PCDH11X: variants seen among roughly 807,000 people sequenced by gnomAD.
PCDH11X encodes protocadherin-11 X-linked.
In PCDH11X, 18 loss-of-function variants were observed where a neutral mutation model predicts 53.3. The observed-to-expected ratio is 0.34, with a 90% CI of 0.23 to 0.50. PCDH11X has a LOEUF of 0.50. Among genes scored for constraint, PCDH11X ranks in the 20% least tolerant of loss-of-function variants. The probability of loss-of-function intolerance (pLI) is 0.98; values close to 1 mark genes in which losing one functional copy is unlikely to be tolerated. For synonymous variants in PCDH11X, 279 were observed against 393.3 expected (o/e 0.71, Z 3.44); for missense variants, 570 against 1,032.4 (o/e 0.55, Z 6.14).
chrX:92,153,121 A>AT (rs2065469491), intron 6 of PCDH11X, among the ~76,000 whole-genome samples: 1 of 110,084 alleles, frequency 9.1e-6, no homozygotes, highest in African/African-American at 3.3e-5. Flanking sequence ...ACTTAGTTAA[A>AT]TTGTTTTGAA....
intron 6 of PCDH11X, among the ~76,000 whole-genome samples, chrX:92,056,243 G>GTA (rs1301524472): frequency 1.8e-5 from 2 of 111,419 alleles, no homozygotes; most frequent in Admixed American, 1.9e-4. Context: ...GTGTGAGATG[G>GTA]TATTTCATTG....
intron 10 of PCDH11X, among the ~76,000 whole-genome samples, chrX:92,479,575 T>C (rs577129642): frequency 1.8e-5 from 2 of 109,220 alleles, no homozygotes; most frequent in South Asian, 8.2e-4. Flanking sequence ...TCCCTCAGCA[T>C]TTGCTTGTTT....
chrX:92,484,108 GTATATATATAGTATATATA>G (rs2073565998), intron 10 of PCDH11X, among the ~76,000 whole-genome samples: 1 of 96,763 alleles, frequency 1.0e-5, no homozygotes, highest in African/African-American at 3.8e-5. Context: ...GTGTGTGTGT[GTATATATATAGTATATATA>G]TGTATATATG....
intron 6 of PCDH11X, among the ~76,000 whole-genome samples, chrX:92,067,872 C>T (rs2063639226): frequency 9.0e-6 from 1 of 111,139 alleles, no homozygotes; most frequent in Non-Finnish European, 1.9e-5. Flanking sequence ...TTTGGGATTT[C>T]TTCATGATTC....
chrX:92,487,582 C>T (rs2073672086), intron 10 of PCDH11X, among the ~76,000 whole-genome samples: 1 of 110,495 alleles, frequency 9.1e-6, no homozygotes, highest in Non-Finnish European at 1.9e-5. Context: ...TTAAATCTTC[C>T]ATTAGAAATT....
At chrX:92,382,127 T>C (rs1203181318) in intron 8 of PCDH11X, among the ~76,000 whole-genome samples, 4 of 112,213 alleles carry the variant, frequency 3.6e-5, no homozygotes, top group Middle Eastern at 9.3e-3. Flanking sequence ...ATGAGGTTGT[T>C]TACTATTATA....
In PCDH11X at chrX:92,504,246, G is replaced by C. The variant is rs190495778; in HGVS notation, c.3367+35924G>C. Among the ~76,000 whole-genome samples, 332 of 106,345 alleles carry C rather than the reference G, an allele frequency of 3.1e-3. 2 individuals carry two copies. The highest frequency in any genetic ancestry group is 0.011 in the African/African-American group (318 of 29,391). 92.3% of individuals were successfully genotyped at this position (106,345 alleles called of 115,157 possible). On this transcript the variant is annotated intron_variant, in intron 10 of 10. Coordinates refer to ENST00000682573, the MANE Select transcript of PCDH11X (RefSeq NM_032968.5). The stretch of plus-strand genomic sequence containing the variant: ...TAAGCATAGTACCTGATAGTTTTTC[G>C]ATCCTCACTCTTCTCTCACTCTCCT...
chrX:91,808,583 C>T (rs2147555833), intron 1 of PCDH11X, among the ~76,000 whole-genome samples: 1 of 110,607 alleles, frequency 9.0e-6, no homozygotes, highest in East Asian at 2.9e-4. Context: ...ATTTGATTAG[C>T]TATCCACATC....
intron 6 of PCDH11X, among the ~76,000 whole-genome samples, chrX:91,994,246 G>A (rs748045682): frequency 3.0e-4 from 31 of 103,931 alleles, no homozygotes; most frequent in African/African-American, 9.9e-4. Context: ...AATACATTAC[G>A]TCTCTAGAAT....
chrX:92,602,259 G>A (rs1182760262), intron 10 of PCDH11X, among the ~76,000 whole-genome samples: 1 of 111,200 alleles, frequency 9.0e-6, no homozygotes, highest in Non-Finnish European at 1.9e-5. Flanking sequence ...AGATTTTGCT[G>A]GTAAGGCAAT....
chrX:92,034,581 A>G (rs2759883), intron 6 of PCDH11X, among the ~76,000 whole-genome samples: 32,761 of 103,026 alleles, frequency 0.32, 6,649 homozygotes, highest in African/African-American at 0.63. Flanking sequence ...TTTGGTTTCC[A>G]TTGACACAGA....
rs1273082072 is a variant in PCDH11X, at chrX:92,122,283, C to T, written c.3034-79092C>T. Among the ~76,000 whole-genome samples, 3 of 111,062 alleles carry T rather than the reference C, an allele frequency of 2.7e-5. No individual in the cohort carries two copies. The East Asian group carries it at 8.5e-4, about 32-fold the overall frequency. On this transcript the variant is annotated intron_variant, in intron 6 of 10. Coordinates refer to ENST00000682573, the MANE Select transcript of PCDH11X (RefSeq NM_032968.5). ...AGGTGTGAGTCACTGTGCCCAGCCG[C>T]AGTCACCTCTTGAAAAACCAAATCC...
chrX:92,019,629 T>C (rs2147996569), intron 6 of PCDH11X, among the ~76,000 whole-genome samples: 1 of 111,867 alleles, frequency 8.9e-6, no homozygotes, highest in African/African-American at 3.2e-5. Context: ...ATAATGAAAT[T>C]GAGCCAGAAA....
intron 10 of PCDH11X, among the ~76,000 whole-genome samples, chrX:92,501,579 C>T (rs904503327): frequency 1.9e-4 from 21 of 111,537 alleles, no homozygotes; most frequent in Non-Finnish European, 4.0e-4. Flanking sequence ...TCAACATACG[C>T]GAATCAATAA....
chrX:92,391,002 A>G (rs746666540), intron 9 of PCDH11X, among the ~76,000 whole-genome samples: 1 of 109,778 alleles, frequency 9.1e-6, no homozygotes, highest in East Asian at 2.9e-4. Flanking sequence ...AGACAAAGTC[A>G]ATAAAATATC....
chrX:92,421,163 A>G (rs1246296725), intron 9 of PCDH11X, among the ~76,000 whole-genome samples: 1 of 111,585 alleles, frequency 9.0e-6, no homozygotes, highest in Non-Finnish European at 1.9e-5. Flanking sequence ...CATGTTATAC[A>G]GGTATATTGC....
chrX:92,267,008 G>T (rs2067847193), intron 8 of PCDH11X, among the ~76,000 whole-genome samples: 1 of 111,447 alleles, frequency 9.0e-6, no homozygotes. Context: ...TCCTCCCAAA[G>T]TGCTGGGATT....
At chrX:92,143,416 G>C (rs1259068430) in intron 6 of PCDH11X, among the ~76,000 whole-genome samples, 1 of 112,510 alleles carries the variant, frequency 8.9e-6, no homozygotes, top group Non-Finnish European at 1.9e-5. Context: ...TTCCCATGCT[G>C]TGTGAAGCCT....
chrX:91,903,524 G>A lies in PCDH11X; in HGVS notation c.3033+24251G>A, dbSNP rs971473721. On this transcript the variant is annotated intron_variant, in intron 6 of 10. Transcript: ENST00000682573. ...ATCGCTTGCAGTTTCCTACTATACA[G>A]CATGCTGGTTTTAGTTTCTACAAAT... 5.4e-5 allele frequency among the ~76,000 whole-genome samples: 6 copies of A among 110,735 alleles called. No homozygotes were observed. In the Admixed American group the frequency reaches 5.9e-4, roughly 11 times the overall value.
Sources: gnomAD v4.1 joint callset for allele counts (sites outside exome capture counted in the v4.1 genomes callset) on GRCh38, gnomAD v4.1.1 for gene constraint, MANE v1.5 for transcripts, NCBI Gene and HGNC (gene_info 2026-07-23, HGNC 2026-07-21) for gene names.